Variants in PKHD1 observed in about 807,000 individuals in gnomAD.
PKHD1 encodes the protein fibrocystin.
In PKHD1, 291 loss-of-function variants were observed where a neutral mutation model predicts 412.0. That is an observed-to-expected ratio of 0.71 (90% confidence interval 0.64 to 0.78). The LOEUF is 0.78. Ranked by LOEUF, PKHD1 falls within the 30% of genes least tolerant of loss-of-function variation. The pLI, the probability that PKHD1 is intolerant of heterozygous loss-of-function variation, is 0.00. For synonymous variants in PKHD1, 1,777 were observed against 1,821.5 expected (o/e 0.98, Z 0.62); for missense variants, 4,825 against 4,950.7 (o/e 0.97, Z 0.76).
At chr6:51,908,680 A>G (rs1391912966) in intron 40 of PKHD1, among the ~76,000 whole-genome samples, 1 of 151,958 alleles carries the variant, frequency 6.6e-6, no homozygotes, top group African/African-American at 2.4e-5. Context: ...AGTTGTTCTC[A>G]CCTGAATTTG....
intron 53 of PKHD1, among the ~76,000 whole-genome samples, chr6:51,785,695 A>G (rs1394055533): frequency 6.6e-6 from 1 of 151,964 alleles, no homozygotes; most frequent in Non-Finnish European, 1.5e-5. Context: ...TTCCACCTAT[A>G]TAACTGTTTC....
chr6:51,619,826 C>T (rs576174990), intron 66 of PKHD1, among the ~76,000 whole-genome samples: 1 of 151,674 alleles, frequency 6.6e-6, no homozygotes, highest in African/African-American at 2.4e-5. Context: ...CTCACACTTA[C>T]CAACAGGCCA....
At chr6:51,691,308 T>C (rs10948639) in intron 60 of PKHD1, among the ~76,000 whole-genome samples, 23,151 of 152,186 alleles carry the variant, frequency 0.15, 2,202 homozygotes, top group Non-Finnish European at 0.22. Flanking sequence ...TTACTGGGTA[T>C]ATACCCAAAG....
intron 37 of PKHD1, among the ~76,000 whole-genome samples, chr6:51,917,919 G>A (rs1784079590): frequency 6.6e-6 from 1 of 152,130 alleles, no homozygotes; most frequent in African/African-American, 2.4e-5. Flanking sequence ...ACTGTTTTAA[G>A]CCCATAGTAC....
chr6:51,886,243 GCTCT>G (rs1328399418), intron 44 of PKHD1, among the ~76,000 whole-genome samples: 2 of 152,086 alleles, frequency 1.3e-5, no homozygotes, highest in African/African-American at 4.8e-5. Context: ...AAGTTTAATT[GCTCT>G]CTCTATTGAA....
At chr6:51,943,657 A>C (rs1788954067) in intron 36 of PKHD1, among the ~76,000 whole-genome samples, 1 of 151,584 alleles carries the variant, frequency 6.6e-6, no homozygotes, top group East Asian at 1.9e-4. Context: ...GGATCCTCCC[A>C]ATTCTTAATC....
At chr6:51,761,999 AG>A (rs1398015033) in intron 55 of PKHD1, among the ~76,000 whole-genome samples, 2 of 152,038 alleles carry the variant, frequency 1.3e-5, no homozygotes, top group Non-Finnish European at 2.9e-5. Flanking sequence ...TCAGTCCATC[AG>A]GAGTCATGTC....
chr6:51,635,392 T>A (rs1306064657), intron 64 of PKHD1, among the ~76,000 whole-genome samples: 1 of 152,186 alleles, frequency 6.6e-6, no homozygotes, highest in Non-Finnish European at 1.5e-5. Flanking sequence ...TATCTTAGCA[T>A]CAGAACATTT....
In PKHD1 at chr6:51,744,465, C is replaced by A; in HGVS notation, c.10076G>T (p.Gly3359Val). The change falls in exon 60 of 67, where the codon GGG becomes GTG. Residue 3359 changes from glycine to valine, a missense_variant. Gly to Val is a moderately radical substitution (Grantham distance 109). Coordinates refer to ENST00000371117, the MANE Select transcript of PKHD1 (RefSeq NM_138694.4). ...PRKYLFKDLD[G>V]RALGLPPPVS... ...TGGTGGAGGCAGACCCAGGGCTCTC[C>A]CATCCAGATCCTTGAAGAGATATTT... The A allele has an allele frequency of 6.2e-7, 1 of 1,612,762 alleles. No individual in the cohort carries two copies.
Position 51,871,525 on chromosome 6 carries a change from G to A in PKHD1, c.7351-886C>T, listed in dbSNP as rs1484472488. On this transcript the variant is annotated intron_variant, in intron 46 of 66. Coordinates refer to ENST00000371117, the MANE Select transcript of PKHD1 (RefSeq NM_138694.4). ...GATTGCCAGTGGTTTAAAGCAAGAG[G>A]AGGCTGTGGCTACAAAGATGGAGCA... is the stretch of plus-strand genomic sequence containing the variant. Among the ~76,000 whole-genome samples, 9 of 118,046 alleles carry A rather than the reference G, an allele frequency of 7.6e-5. 2 individuals carry two copies. The highest frequency in any genetic ancestry group is 2.4e-4 in the Admixed American group (3 of 12,562). 77.4% of individuals were successfully genotyped at this position (118,046 alleles called of 152,430 possible).
intron 60 of PKHD1, among the ~76,000 whole-genome samples, chr6:51,702,099 T>C (rs904292827): frequency 7.2e-6 from 1 of 139,408 alleles, no homozygotes; most frequent in Non-Finnish European, 1.5e-5. Flanking sequence ...TGCAAAAATA[T>C]GGAACCAGCC....
intron 17 of PKHD1, 51 bp from the exon 18 acceptor site, chr6:52,056,839 C>G (rs377707521): frequency 3.9e-5 from 61 of 1,582,126 alleles, no homozygotes; most frequent in Non-Finnish European, 5.0e-5. Context: ...GCATAAAGAC[C>G]ACCCCCAGTT....
In PKHD1 at chr6:51,768,664, C is replaced by A. The variant is rs1277141894; in HGVS notation, c.8642+4038G>T. Among the ~76,000 whole-genome samples, 3 of 151,698 alleles carry A rather than the reference C, an allele frequency of 2.0e-5. No homozygotes were observed. The East Asian group carries it at 5.8e-4, about 29-fold the overall frequency. ...TTTGGATTATTTTCAATAATTGGAT[C>A]TAATGTATTTTTCTTGCCTGAATAT... On this transcript the variant is annotated intron_variant, in intron 55 of 66. Transcript: ENST00000371117.
At chr6:51,756,630 G>A (rs1033490734) in intron 55 of PKHD1, among the ~76,000 whole-genome samples, 11 of 152,080 alleles carry the variant, frequency 7.2e-5, no homozygotes, top group African/African-American at 2.7e-4. Flanking sequence ...AAAATAATAT[G>A]CTCCATTTTT....
At chr6:51,628,148 G>T (rs1767508426) in intron 65 of PKHD1, among the ~76,000 whole-genome samples, 1 of 152,128 alleles carries the variant, frequency 6.6e-6, no homozygotes, top group Admixed American at 6.6e-5. Context: ...TGTCACTGGG[G>T]TTTGGTGTAC....
At chr6:51,664,436 T>C (rs1338962865) in intron 60 of PKHD1, among the ~76,000 whole-genome samples, 2 of 152,216 alleles carry the variant, frequency 1.3e-5, no homozygotes, top group Admixed American at 6.5e-5. Context: ...CTGGAGAGTT[T>C]AGCCCAGGAC....
At chr6:52,046,884 T>C (rs1189855322) in intron 23 of PKHD1, among the ~76,000 whole-genome samples, 1 of 152,232 alleles carries the variant, frequency 6.6e-6, no homozygotes, top group Non-Finnish European at 1.5e-5. Context: ...CCCAACCATA[T>C]GCAGAAGCTT....
chr6:51,992,282 T>C (rs755322992), intron 35 of PKHD1, among the ~76,000 whole-genome samples: 2 of 152,236 alleles, frequency 1.3e-5, no homozygotes, highest in Admixed American at 6.5e-5. Context: ...GAAATATGCT[T>C]CTCTAGGTGG....
At chr6:51,645,288 A>C (rs1769941019) in intron 63 of PKHD1, among the ~76,000 whole-genome samples, 1 of 152,226 alleles carries the variant, frequency 6.6e-6, no homozygotes, top group Non-Finnish European at 1.5e-5. Context: ...AATAATAGAT[A>C]ATTGTGCTTA....
Sources: gnomAD v4.1 joint callset for allele counts (sites outside exome capture counted in the v4.1 genomes callset) on GRCh38, gnomAD v4.1.1 for gene constraint, MANE v1.5 for transcripts, NCBI Gene and HGNC (gene_info 2026-07-23, HGNC 2026-07-21) for gene names.